ARHGAP26: variants seen among roughly 807,000 people sequenced by gnomAD.
The protein encoded by ARHGAP26 is rho GTPase-activating protein 26.
Under a neutral mutation model 104.8 loss-of-function variants are expected in ARHGAP26, and 38 were observed. That is an observed-to-expected ratio of 0.36 (90% confidence interval 0.28 to 0.48). ARHGAP26 has a LOEUF of 0.48. Among genes scored for constraint, ARHGAP26 ranks in the 20% least tolerant of loss-of-function variants. The probability of loss-of-function intolerance (pLI) is 0.99; values close to 1 mark genes in which losing one functional copy is unlikely to be tolerated. For synonymous variants in ARHGAP26, 341 were observed against 340.0 expected, an observed-to-expected ratio of 1.00 and a Z score of -0.03; for missense variants, 704 against 947.9, an observed-to-expected ratio of 0.74 and a Z score of 3.38.
intron 11 of ARHGAP26, among the ~76,000 whole-genome samples, chr5:142,979,101 T>C (rs2152724363): frequency 6.6e-6 from 1 of 152,360 alleles, no homozygotes; most frequent in Non-Finnish European, 1.5e-5. Flanking sequence ...CAATGTGGGC[T>C]GCCTATCAGA....
intron 17 of ARHGAP26, among the ~76,000 whole-genome samples, chr5:143,074,245 CTG>C (rs946215132): frequency 3.3e-5 from 5 of 151,954 alleles, no homozygotes; most frequent in Non-Finnish European, 5.9e-5. Flanking sequence ...TAATAACAAA[CTG>C]TATTATTTTG....
At chr5:142,996,675 G>T (rs945174442) in intron 11 of ARHGAP26, among the ~76,000 whole-genome samples, 1 of 152,072 alleles carries the variant, frequency 6.6e-6, no homozygotes, top group Non-Finnish European at 1.5e-5. Flanking sequence ...GGAAGGATAG[G>T]TGCTAGATTT....
At chr5:143,120,407 G>A (rs913248739) in intron 17 of ARHGAP26, among the ~76,000 whole-genome samples, 4 of 152,128 alleles carry the variant, frequency 2.6e-5, no homozygotes, top group Admixed American at 2.6e-4. Flanking sequence ...TTTTATTTCT[G>A]TTTATGCCCT....
chr5:142,948,588 A>G (rs1767534392), intron 11 of ARHGAP26, among the ~76,000 whole-genome samples: 1 of 151,590 alleles, frequency 6.6e-6, no homozygotes, highest in South Asian at 2.1e-4. Context: ...ACTTATTGAT[A>G]GTTAACAATT....
intron 22 of ARHGAP26, among the ~76,000 whole-genome samples, chr5:143,221,944 G>T (rs548950663): frequency 2.4e-4 from 37 of 152,100 alleles, no homozygotes; most frequent in South Asian, 6.2e-4. Flanking sequence ...AAGGAAGGAA[G>T]GAAGGATGGA....
At chr5:143,055,912 C>A in intron 15 of ARHGAP26, 116 bp from the exon 16 acceptor site, 1 of 687,264 alleles carries the variant, frequency 1.5e-6, no homozygotes, top group Non-Finnish European at 2.4e-6. Context: ...TATTGTTTCC[C>A]TGTGATCTTT....
intron 11 of ARHGAP26, among the ~76,000 whole-genome samples, chr5:142,957,949 T>G (rs1446531501): frequency 6.6e-6 from 1 of 152,260 alleles, no homozygotes; most frequent in Non-Finnish European, 1.5e-5. Context: ...ATGCTGCAGA[T>G]AGTTTTTCTA....
At position 142,770,996 on chromosome 5, in the gene ARHGAP26, C is replaced by T. The variant is rs1214162265; in HGVS notation, c.154+81C>T. The T allele has an allele frequency of 2.7e-6, 4 of 1,485,862 alleles. No homozygotes were observed. The East Asian group carries it at 7.9e-5, about 29-fold the overall frequency. 92.0% of individuals were successfully genotyped at this position (1,485,862 alleles called of 1,614,324 possible). On this transcript the variant is annotated intron_variant, in intron 1 of 22. Transcript: ENST00000645722. ...TGGCGCTTAGCCCGGGTTGCCCGCG[C>T]GTCTGCCGGGTTTCTGCTCCCGGTA...
intron 11 of ARHGAP26, among the ~76,000 whole-genome samples, chr5:142,953,665 T>C (rs1322474712): frequency 6.6e-6 from 1 of 152,246 alleles, no homozygotes; most frequent in African/African-American, 2.4e-5. Flanking sequence ...CTGTCCTGTA[T>C]GGACAAGACT....
chr5:143,170,975 A>T (rs914539459), intron 20 of ARHGAP26, among the ~76,000 whole-genome samples: 18 of 152,230 alleles, frequency 1.2e-4, no homozygotes, highest in Non-Finnish European at 2.1e-4. Flanking sequence ...TAGGAAGCAG[A>T]GAATGAGTAC....
chr5:142,984,252 T>C (rs1006238963), intron 11 of ARHGAP26, among the ~76,000 whole-genome samples: 2 of 152,236 alleles, frequency 1.3e-5, no homozygotes, highest in African/African-American at 4.8e-5. Context: ...TTATGTCTCA[T>C]TGACCAGAAC....
In ARHGAP26 at chr5:142,889,323, G is replaced by A. The variant is rs73288412; in HGVS notation, c.486+3924G>A. Among the ~76,000 whole-genome samples the A allele has an allele frequency of 4.1e-3, 628 of 152,226 alleles. 2 individuals carry two copies. The highest frequency in any genetic ancestry group is 0.015 in the African/African-American group (603 of 41,510). On this transcript the variant is annotated intron_variant, in intron 5 of 22. Coordinates refer to ENST00000645722, the MANE Select transcript of ARHGAP26 (RefSeq NM_001135608.3). ...TTCTCATGGACTTTATATTCTAGTA[G>A]TCTAGTAGGCCAGGCACGGTGGCTC...
intron 22 of ARHGAP26, among the ~76,000 whole-genome samples, chr5:143,220,255 A>C (rs1435503537): frequency 6.6e-6 from 1 of 152,020 alleles, no homozygotes; most frequent in Non-Finnish European, 1.5e-5. Context: ...TGTTAATTTT[A>C]TTCTAAACAT....
intron 17 of ARHGAP26, among the ~76,000 whole-genome samples, chr5:143,106,373 C>A (rs1392247842): frequency 6.6e-6 from 1 of 151,426 alleles, no homozygotes; most frequent in Non-Finnish European, 1.5e-5. Context: ...GCAACGATTG[C>A]ACAGCTTCCA....
At chr5:143,038,798 G>A (rs1473197450) in intron 13 of ARHGAP26, among the ~76,000 whole-genome samples, 1 of 139,696 alleles carries the variant, frequency 7.2e-6, no homozygotes, top group Non-Finnish European at 1.5e-5. Flanking sequence ...CTGGTTCAAG[G>A]GATTCTTCTG....
At chr5:142,906,248 T>A (rs1761088862) in intron 8 of ARHGAP26, among the ~76,000 whole-genome samples, 2 of 152,222 alleles carry the variant, frequency 1.3e-5, no homozygotes, top group Non-Finnish European at 2.9e-5. Flanking sequence ...TTCTCCACTA[T>A]ACAGTCACTA....
intron 22 of ARHGAP26, among the ~76,000 whole-genome samples, chr5:143,220,509 A>G (rs1811002226): frequency 1.3e-5 from 2 of 152,202 alleles, no homozygotes; most frequent in Admixed American, 6.5e-5. Flanking sequence ...CAGAAACTGA[A>G]GTGATCTTGG....
In ARHGAP26 at chr5:143,180,383, C is replaced by T. The variant is rs532140964; in HGVS notation, c.1989-26815C>T. ...TCGTGATCTGCCCACCTCAGCCTCC[C>T]AAAGTGCTGGGATTACAGGCATAAG... On this transcript the variant is annotated intron_variant, in intron 20 of 22. Transcript: ENST00000645722. Among the ~76,000 whole-genome samples, 7 of 152,306 alleles carry T rather than the reference C, an allele frequency of 4.6e-5. No individual in the cohort carries two copies. In the East Asian group the frequency reaches 1.4e-3, roughly 29 times the overall value.
chr5:143,057,522 T>C, intron 16 of ARHGAP26, 120 bp from the exon 17 acceptor site: 1 of 794,072 alleles, frequency 1.3e-6, no homozygotes, highest in South Asian at 1.6e-5. Flanking sequence ...GACAGGATTG[T>C]AAATCTTTGA....
Sources: gnomAD v4.1 joint callset for allele counts (sites outside exome capture counted in the v4.1 genomes callset) on GRCh38, gnomAD v4.1.1 for gene constraint, MANE v1.5 for transcripts, NCBI Gene and HGNC (gene_info 2026-07-23, HGNC 2026-07-21) for gene names.